BBS2: variants seen among roughly 807,000 people sequenced by gnomAD.
The protein encoded by BBS2 is Bardet-Biedl syndrome 2, also known as BBSome complex member BBS2.
In BBS2, 62 loss-of-function variants were observed where a neutral mutation model predicts 83.0. That is an observed-to-expected ratio of 0.75 (90% CI 0.61 to 0.92). BBS2 has a LOEUF of 0.92. BBS2 is among the 40% of genes least tolerant of loss of function. The pLI is 0.00. For synonymous variants in BBS2, 303 were observed against 326.1 expected, an observed-to-expected ratio of 0.93 and a Z score of 0.76; for missense variants, 784 against 901.0, an observed-to-expected ratio of 0.87 and a Z score of 1.66.
At chr16:56,477,752 G>C (rs1963544471) in intron 17 of BBS2, 1 of 151,976 alleles carries the variant, frequency 6.6e-6, no homozygotes, top group Non-Finnish European at 1.5e-5. Context: ...TTTATTTTTA[G>C]CTTTTGCAGT....
downstream of BBS2, among the ~76,000 whole-genome samples, chr16:56,480,968 T>C (rs79043907): frequency 6.8e-3 from 1,029 of 152,108 alleles, 6 homozygotes; most frequent in Non-Finnish European, 1.0e-2. Flanking sequence ...AGCTAGAGCA[T>C]AGAGTGTGGG....
chr16:56,481,510 T>G (rs1463896290), downstream of BBS2, among the ~76,000 whole-genome samples: 1 of 152,194 alleles, frequency 6.6e-6, no homozygotes, highest in Admixed American at 6.5e-5. Context: ...TTAAAAATCC[T>G]CAGAACCTGA....
At position 56,501,383 on chromosome 16, in the gene BBS2, G is replaced by T. The variant is rs1348755656; in HGVS notation, c.1195C>A (p.His399Asn). 2 of 1,614,046 alleles carry T rather than the reference G, an allele frequency of 1.2e-6. No individual in the cohort carries two copies. The highest frequency in any genetic ancestry group is 1.7e-6 in the Non-Finnish European group (2 of 1,180,004). Reference protein sequence around the residue: ...VSLGNETQTAHTELRISTSND... With the variant: ...VSLGNETQTANTELRISTSND... ...GAAGTGGAAATGCGTAATTCTGTAT[G>T]AGCAGTTTGGGTCTCATTCCCCAGG... Residue 399 changes from histidine (H) to asparagine (N), a missense_variant, in exon 10 of 17, where the codon CAT (histidine) becomes AAT (asparagine). By Grantham distance (68) the His-to-Asn change is moderately conservative. Coordinates refer to ENST00000245157, the MANE Select transcript of BBS2 (RefSeq NM_031885.5).
At chr16:56,490,887 G>A (rs1056398608) in intron 15 of BBS2, among the ~76,000 whole-genome samples, 5 of 151,064 alleles carry the variant, frequency 3.3e-5, no homozygotes, top group African/African-American at 9.7e-5. Flanking sequence ...TCAGCCTCCC[G>A]AATAGCTGGG....
chr16:56,495,392 T>C (rs368179152), intron 15 of BBS2, among the ~76,000 whole-genome samples: 3 of 152,122 alleles, frequency 2.0e-5, no homozygotes, highest in Non-Finnish European at 4.4e-5. Flanking sequence ...TTGCCAAAAT[T>C]TGAAATTGAA....
chr16:56,474,900 A>G (rs1963386258), intron 17 of BBS2: 3 of 1,613,716 alleles, frequency 1.9e-6, no homozygotes, highest in Non-Finnish European at 2.5e-6. Context: ...ATTCATGACC[A>G]TAGCAAGGCT....
chr16:56,481,203 C>G (rs1408849774), downstream of BBS2, among the ~76,000 whole-genome samples: 1 of 151,732 alleles, frequency 6.6e-6, no homozygotes, highest in East Asian at 1.9e-4. Flanking sequence ...TTTTAAAGTT[C>G]CTAGTTCTTT....
At chr16:56,499,714 A>G (rs771491579) in intron 12 of BBS2, 64 bp downstream of exon 12, 2 of 1,603,938 alleles carry the variant, frequency 1.2e-6, no homozygotes, top group Admixed American at 1.7e-5. Flanking sequence ...TTCCCTTTCT[A>G]TGAAATAACA....
intron 5 of BBS2, among the ~76,000 whole-genome samples, chr16:56,508,008 C>T (rs1964470348): frequency 6.6e-6 from 1 of 152,106 alleles, no homozygotes; most frequent in African/African-American, 2.4e-5. Context: ...CCTGTATAAA[C>T]ACACATCCTC....
At chr16:56,512,145 T>C (rs1415225565) in intron 2 of BBS2, among the ~76,000 whole-genome samples, 1 of 152,152 alleles carries the variant, frequency 6.6e-6, no homozygotes, top group Non-Finnish European at 1.5e-5. Flanking sequence ...ACACCTAAGA[T>C]ATCACTTCAC....
chr16:56,506,546 G>A (rs1054449001), intron 5 of BBS2, among the ~76,000 whole-genome samples: 39 of 152,070 alleles, frequency 2.6e-4, no homozygotes, highest in Non-Finnish European at 4.6e-4. Context: ...ACACAAGATC[G>A]AAAATATGCA....
chr16:56,500,316 C>T (rs112383304), intron 11 of BBS2: 15 of 266,690 alleles, frequency 5.6e-5, no homozygotes, highest in African/African-American at 3.4e-4. Context: ...ATGAGATCAC[C>T]TGACTAAAAA....
At chr16:56,502,253 A>G in intron 9 of BBS2, 64 bp downstream of exon 9, 1 of 1,608,204 alleles carries the variant, frequency 6.2e-7, no homozygotes, top group South Asian at 1.1e-5. Context: ...ATATTTGCTG[A>G]TCCTCCCGGT....
At chr16:56,495,429 T>C (rs552888795) in intron 15 of BBS2, among the ~76,000 whole-genome samples, 2 of 152,276 alleles carry the variant, frequency 1.3e-5, no homozygotes, top group Admixed American at 1.3e-4. Context: ...GATCTACCAT[T>C]ATCTTTCTAT....
chr16:56,494,688 C>T (rs1233765840), intron 15 of BBS2, among the ~76,000 whole-genome samples: 2 of 152,180 alleles, frequency 1.3e-5, no homozygotes, highest in African/African-American at 4.8e-5. Flanking sequence ...AAAGGCCGGG[C>T]GCAGTAGCTC....
At chr16:56,503,398 T>C (rs900274067) in intron 7 of BBS2, among the ~76,000 whole-genome samples, 12 of 152,234 alleles carry the variant, frequency 7.9e-5, no homozygotes, top group Non-Finnish European at 1.6e-4. Context: ...GTATAAAGTA[T>C]GTTGAATCTG....
At position 56,516,707 on chromosome 16, in the gene BBS2, A is replaced by T. The variant is rs1362628416; in HGVS notation, c.118-2027T>A. On this transcript the variant is annotated intron_variant, in intron 1 of 16. Transcript: ENST00000245157. ...CCATGCCCGGCCAGAGATTCCTTTT[A>T]AAAAAATATCCTTGCTAAGGCTCAG... Among the ~76,000 whole-genome samples, 6 of 152,168 alleles carry T rather than the reference A, an allele frequency of 3.9e-5. No individual in the cohort carries two copies. The East Asian group carries it at 1.2e-3, about 29-fold the overall frequency.
At chr16:56,493,638 A>C (rs368483170) in intron 15 of BBS2, among the ~76,000 whole-genome samples, 3 of 152,172 alleles carry the variant, frequency 2.0e-5, no homozygotes, top group Non-Finnish European at 4.4e-5. Context: ...GGTTTTAGTA[A>C]ATATGTAATA....
At chr16:56,474,974 T>C (rs775539616) in intron 17 of BBS2, 1 of 1,611,642 alleles carries the variant, frequency 6.2e-7, no homozygotes, top group Admixed American at 1.7e-5. Context: ...AAGCAAGCGG[T>C]GGATTATTCC....
Sources: allele counts gnomAD v4.1 joint callset (sites outside exome capture counted in the v4.1 genomes callset), GRCh38; gene constraint gnomAD v4.1.1; transcripts MANE v1.5; gene names NCBI Gene and HGNC (gene_info 2026-07-23, HGNC 2026-07-21).